Variants in BIRC6 observed in about 807,000 individuals in gnomAD.
The protein encoded by BIRC6 is baculoviral IAP repeat containing 6.
BIRC6 carries 98 observed loss-of-function variants against 503.3 expected under a neutral mutation model. The observed-to-expected ratio is 0.19, with a 90% CI of 0.17 to 0.23. The LOEUF (loss-of-function observed/expected upper bound fraction) is 0.23. Ranked by LOEUF, BIRC6 falls within the 10% of genes least tolerant of loss-of-function variation. BIRC6 has a pLI of 1.00. For missense variants in BIRC6, 5,360 were observed against 5,806.0 expected (o/e 0.92, Z 2.50); for synonymous variants, 2,240 against 2,078.7 (o/e 1.08, Z -2.11).
chr2:32,509,607 T>TA (rs1407122821), intron 51 of BIRC6, 131 bp from the exon 52 acceptor site: 7 of 1,048,730 alleles, frequency 6.7e-6, no homozygotes, highest in East Asian at 2.5e-5. Context: ...TGCAGCATTC[T>TA]AAAAAAACAT....
intron 11 of BIRC6, 122 bp downstream of exon 11, chr2:32,429,417 T>A (rs1304745189): frequency 2.7e-6 from 2 of 728,688 alleles, no homozygotes; most frequent in African/African-American, 1.8e-5. Flanking sequence ...TATGGTATGT[T>A]ACTCAATATT....
intron 33 of BIRC6, among the ~76,000 whole-genome samples, chr2:32,473,705 T>TCG (rs2049354625): frequency 1.8e-5 from 2 of 111,398 alleles, no homozygotes; most frequent in African/African-American, 6.9e-5. Context: ...TTCTCCTTTT[T>TCG]CGTGTGTGTG....
intron 61 of BIRC6, among the ~76,000 whole-genome samples, chr2:32,534,576 C>G (rs2250217): frequency 0.36 from 54,125 of 150,406 alleles, 10,204 homozygotes; most frequent in Non-Finnish European, 0.43. Flanking sequence ...ACTAAAAGTA[C>G]AAAAATTAGC....
At chr2:32,371,842 G>A (rs2036011238) in intron 1 of BIRC6, among the ~76,000 whole-genome samples, 1 of 152,090 alleles carries the variant, frequency 6.6e-6, no homozygotes. Flanking sequence ...GTCTCACTCC[G>A]TCACCCAGGC....
chr2:32,430,121 TA>T (rs1558700042), intron 11 of BIRC6, among the ~76,000 whole-genome samples: 1 of 152,202 alleles, frequency 6.6e-6, no homozygotes, highest in African/African-American at 2.4e-5. Context: ...AAACTTGTAA[TA>T]ATTTTATAGA....
At chr2:32,450,468 A>T (rs2046577780) in intron 22 of BIRC6, among the ~76,000 whole-genome samples, 1 of 152,196 alleles carries the variant, frequency 6.6e-6, no homozygotes, top group Non-Finnish European at 1.5e-5. Context: ...CCTCAAAAAA[A>T]AAAATCATGA....
chr2:32,604,467 A>G (rs763034941), intron 71 of BIRC6, among the ~76,000 whole-genome samples: 4 of 152,206 alleles, frequency 2.6e-5, no homozygotes, highest in Non-Finnish European at 5.9e-5. Flanking sequence ...AGCTAAGTTC[A>G]CTATTGAAAA....
intron 73 of BIRC6, among the ~76,000 whole-genome samples, chr2:32,617,054 C>T (rs980757267): frequency 1.1e-4 from 16 of 152,042 alleles, no homozygotes; most frequent in Admixed American, 2.0e-4. Flanking sequence ...GTGATTGTGC[C>T]GCTGCTCTCC....
At chr2:32,571,468 T>A (rs943557057) in intron 65 of BIRC6, among the ~76,000 whole-genome samples, 1 of 149,848 alleles carries the variant, frequency 6.7e-6, no homozygotes, top group Non-Finnish European at 1.5e-5. Flanking sequence ...AAATTCAGTT[T>A]GTTTCTTGTT....
chr2:32,416,238 A>T, intron 10 of BIRC6, 75 bp downstream of exon 10: 1 of 1,391,928 alleles, frequency 7.2e-7, no homozygotes, highest in African/African-American at 1.4e-5. Flanking sequence ...CAAACCTAGT[A>T]TGAATTTTAG....
intron 39 of BIRC6, among the ~76,000 whole-genome samples, chr2:32,482,920 G>GTT (rs781690700): frequency 3.7e-4 from 52 of 142,432 alleles, no homozygotes; most frequent in Non-Finnish European, 5.1e-4. Flanking sequence ...TATTTTTGCA[G>GTT]TTTTTTTTTT....
intron 55 of BIRC6, among the ~76,000 whole-genome samples, chr2:32,517,211 C>T (rs113883579): frequency 0.035 from 5,315 of 152,022 alleles, 142 homozygotes; most frequent in African/African-American, 0.075. Context: ...CATGGTGATA[C>T]GTGCCTTTGG....
At position 32,401,468 on chromosome 2, in the gene BIRC6, C is replaced by G. The variant is rs1214442629; in HGVS notation, c.1263C>G (p.His421Gln). 1 of 1,613,596 alleles carries G rather than the reference C, an allele frequency of 6.2e-7. No homozygotes were observed. Among genetic ancestry groups the G allele is most frequent in the Non-Finnish European group, 8.5e-7 (1 of 1,179,816 alleles). ...TAGGCTTTTCATTTGTTTAGGTGCA[C>G]TTAAAGTTTGAAATTAATGCCTATG... ...IWDVSKLMKV[H>Q]LKFEINAYDP... Residue 421 changes from histidine (H) to glutamine (Q), a missense_variant, in exon 8 of 74, where the codon CAC (histidine) becomes CAG (glutamine). Around this residue, in one of 16 missense-constraint regions of BIRC6, gnomAD observed 700 missense variants for 739.3 expected, o/e 0.95. Coordinates refer to ENST00000421745, the MANE Select transcript of BIRC6 (RefSeq NM_016252.4).
chr2:32,368,860 C>A (rs1006485029), intron 1 of BIRC6, among the ~76,000 whole-genome samples: 1 of 152,186 alleles, frequency 6.6e-6, no homozygotes, highest in South Asian at 2.1e-4. Context: ...CCATGTTGGC[C>A]AGGCTGGTCT....
chr2:32,560,033 A>C (rs1443606873), intron 65 of BIRC6, among the ~76,000 whole-genome samples: 1 of 152,142 alleles, frequency 6.6e-6, no homozygotes, highest in Non-Finnish European at 1.5e-5. Flanking sequence ...TAATGACAAC[A>C]ATAATAATAA....
intron 50 of BIRC6, 21 bp from the exon 51 acceptor site, chr2:32,507,959 T>G (rs1240110757): frequency 6.2e-7 from 1 of 1,603,858 alleles, no homozygotes. Flanking sequence ...TTTGTGATGA[T>G]TCAGTTTTCT....
In BIRC6 at chr2:32,547,849, G is replaced by A. The variant is rs754596755; in HGVS notation, c.12811-1G>A. On this transcript the variant is annotated splice_acceptor_variant, in intron 63 of 73. Transcript: ENST00000421745. LOFTEE classifies it high-confidence loss of function. ...GGATTTTCATTTTTTGTTATTTTAA[G>A]CCACAGGTGTCAAGCTCTCATAACC... The A allele has an allele frequency of 3.8e-5, 59 of 1,546,664 alleles. No individual in the cohort carries two copies. Among genetic ancestry groups the A allele is most frequent in the Non-Finnish European group, 3.6e-5 (42 of 1,151,482 alleles).
At chr2:32,554,479 A>T (rs1321357585) in intron 65 of BIRC6, among the ~76,000 whole-genome samples, 1 of 152,216 alleles carries the variant, frequency 6.6e-6, no homozygotes, top group Non-Finnish European at 1.5e-5. Context: ...TTTTGTCATT[A>T]TGAAAAATAA....
intron 12 of BIRC6, among the ~76,000 whole-genome samples, chr2:32,432,416 C>G (rs2044229144): frequency 6.6e-6 from 1 of 151,936 alleles, no homozygotes. Context: ...GACTCCATCT[C>G]AAGAAGAAAA....
Sources: gnomAD v4.1 joint callset for allele counts (sites outside exome capture counted in the v4.1 genomes callset) on GRCh38, gnomAD v4.1.1 for gene constraint, gnomAD v4.1.1 regional missense constraint, MANE v1.5 for transcripts, NCBI Gene and HGNC (gene_info 2026-07-23, HGNC 2026-07-21) for gene names.